The following MYO9A variants were observed in gnomAD, a reference collection of about 807,000 sequenced individuals.
MYO9A encodes the protein unconventional myosin-IXa.
A neutral mutation model predicts 293.3 loss-of-function variants in MYO9A; 103 were observed. That is an observed-to-expected ratio of 0.35 (90% CI 0.30 to 0.41). The LOEUF (loss-of-function observed/expected upper bound fraction) is 0.41. MYO9A is among the 10% of genes least tolerant of loss of function. MYO9A has a pLI of 1.00. For missense variants in MYO9A, 2,685 were observed against 3,033.0 expected, an observed-to-expected ratio of 0.89 and a Z score of 2.69; for synonymous variants, 1,001 against 1,035.7, an observed-to-expected ratio of 0.97 and a Z score of 0.64.
chr15:71,893,635 T>TCTC (rs1234426646), intron 26 of MYO9A, 44 bp downstream of exon 26: 9 of 1,446,246 alleles, frequency 6.2e-6, no homozygotes, highest in Admixed American at 1.7e-5. Flanking sequence ...ATAATGTACA[T>TCTC]CTCTTTTGTA....
chr15:72,098,763 G>A (rs911678620), intron 1 of MYO9A, among the ~76,000 whole-genome samples: 2 of 152,090 alleles, frequency 1.3e-5, no homozygotes, highest in Non-Finnish European at 1.5e-5. Context: ...CTTGAGCCCA[G>A]GAGTTCGAGA....
chr15:71,942,556 TC>T (rs2058805727), intron 15 of MYO9A, among the ~76,000 whole-genome samples: 1 of 152,056 alleles, frequency 6.6e-6, no homozygotes, highest in African/African-American at 2.4e-5. Flanking sequence ...TTATATGCTT[TC>T]ATCCAGGCTT....
At chr15:72,077,492 G>A (rs996587880) in intron 1 of MYO9A, among the ~76,000 whole-genome samples, 1 of 152,042 alleles carries the variant, frequency 6.6e-6, no homozygotes, top group East Asian at 1.9e-4. Flanking sequence ...AGGAGTTTAA[G>A]ACAAGCCTGG....
intron 11 of MYO9A, among the ~76,000 whole-genome samples, chr15:71,979,715 G>C (rs1015596264): frequency 1.3e-5 from 2 of 152,130 alleles, no homozygotes; most frequent in Non-Finnish European, 1.5e-5. Context: ...GGCCCAAAAA[G>C]CCTTAAAAGA....
rs994076276 is a variant in MYO9A, at chr15:71,865,815, A to G, written c.5980-3204T>C. Among the ~76,000 whole-genome samples the G allele has an allele frequency of 2.6e-5, 4 of 152,238 alleles. No homozygotes were observed. The East Asian group carries it at 7.7e-4, about 29-fold the overall frequency. ...AATGGCTAAATAGTTAAATTTTGTT[A>G]TATGAATTTTATCTCAGTTTTAAAA... On this transcript the variant is annotated intron_variant, in intron 32 of 41. Coordinates refer to ENST00000356056, the MANE Select transcript of MYO9A (RefSeq NM_006901.4).
intron 1 of MYO9A, among the ~76,000 whole-genome samples, chr15:72,065,447 G>A (rs1251620058): frequency 1.3e-5 from 2 of 150,778 alleles, no homozygotes; most frequent in East Asian, 1.9e-4. Flanking sequence ...CCCGGGAGGC[G>A]GAGGTTGCAG....
At chr15:72,043,167 T>C (rs368016628) in intron 2 of MYO9A, among the ~76,000 whole-genome samples, 6 of 152,194 alleles carry the variant, frequency 3.9e-5, no homozygotes, top group Non-Finnish European at 7.4e-5. Flanking sequence ...TGTATATCTA[T>C]ATACTAGCAA....
intron 18 of MYO9A, among the ~76,000 whole-genome samples, chr15:71,925,666 T>C (rs2058292199): frequency 6.6e-6 from 1 of 152,188 alleles, no homozygotes; most frequent in Admixed American, 6.5e-5. Context: ...GCTAGACTTT[T>C]ATCCCCATCC....
At chr15:71,979,993 A>G (rs1005639686) in intron 11 of MYO9A, among the ~76,000 whole-genome samples, 3 of 152,150 alleles carry the variant, frequency 2.0e-5, no homozygotes, top group Non-Finnish European at 4.4e-5. Flanking sequence ...TCTGTATACA[A>G]TAACTTGTTC....
In MYO9A at chr15:71,875,801, T is replaced by A; in HGVS notation, c.5969A>T (p.Glu1990Val). The change falls in exon 32 of 42, where the codon GAA becomes GTA. Residue 1990 changes from glutamate (E) to valine (V), a missense_variant. By Grantham distance (121) the Glu-to-Val change is moderately radical. Coordinates refer to ENST00000356056, the MANE Select transcript of MYO9A (RefSeq NM_006901.4). ...KTERKKRRKKETDLVEEHNGH... is the reference protein window; with the variant it reads ...KTERKKRRKKVTDLVEEHNGH... The stretch of plus-strand genomic sequence containing the variant: ...CAGATTATAACTTACCAAATCAGTT[T>A]CCTTTTTCCTTCTTTTCTTTCTTTC... 1 of 1,370,444 alleles carries A rather than the reference T, an allele frequency of 7.3e-7. No homozygotes were observed. Among genetic ancestry groups the A allele is most frequent in the South Asian group, 2.0e-5 (1 of 50,470 alleles). 84.9% of individuals were successfully genotyped at this position (1,370,444 alleles called of 1,614,324 possible).
chr15:72,018,534 C>T (rs2077406468), intron 6 of MYO9A, among the ~76,000 whole-genome samples: 2 of 151,938 alleles, frequency 1.3e-5, no homozygotes, highest in African/African-American at 4.8e-5. Flanking sequence ...TTTATTAAGG[C>T]TACAGACTCT....
chr15:71,827,410 GCC>G (rs1252279730), intron 41 of MYO9A, among the ~76,000 whole-genome samples: 2 of 152,008 alleles, frequency 1.3e-5, no homozygotes, highest in African/African-American at 4.8e-5. Flanking sequence ...GGGGCACAAT[GCC>G]TGCCACCCTC....
At chr15:71,830,086 TC>T in intron 40 of MYO9A, 22 bp downstream of exon 40, 1 of 1,609,128 alleles carries the variant, frequency 6.2e-7, no homozygotes, top group African/African-American at 1.3e-5. Context: ...TAACTGTCTC[TC>T]CCCTTCCTCC....
intron 1 of MYO9A, among the ~76,000 whole-genome samples, chr15:72,070,647 G>A (rs775028876): frequency 9.2e-5 from 14 of 151,736 alleles, no homozygotes; most frequent in African/African-American, 1.2e-4. Context: ...CCAAAACCGC[G>A]CCACTGCACT....
Position 71,897,990 on chromosome 15 carries a change from G to A in MYO9A, c.4513C>T (p.Gln1505Ter). The change falls in exon 25 of 42, where the codon CAG (glutamine) becomes TAG (stop). Residue 1505 changes from glutamine to a stop codon, truncating the protein, a stop_gained. Coordinates refer to ENST00000356056, the MANE Select transcript of MYO9A (RefSeq NM_006901.4). LOFTEE classifies it high-confidence loss of function. Reference protein sequence around the residue: ...TEKEERQKQLQQQNEKEMMEQ... With the variant: ...TEKEERQKQL ...ATCATCTCTTTTTCATTCTGTTGCT[G>A]CAACTGTTTTTGCCTTTCTTCCTTC... 6.2e-7 allele frequency: 1 copy of A among 1,614,056 alleles called. No individual in the cohort carries two copies. The highest frequency in any genetic ancestry group is 8.5e-7 in the Non-Finnish European group (1 of 1,180,020).
intron 28 of MYO9A, among the ~76,000 whole-genome samples, chr15:71,882,719 T>C (rs72746312): frequency 1.8e-3 from 275 of 152,346 alleles, no homozygotes; most frequent in Non-Finnish European, 2.2e-3. Flanking sequence ...ACACAGTGGT[T>C]AAGACTATGG....
intron 7 of MYO9A, among the ~76,000 whole-genome samples, chr15:72,009,144 T>TA (rs1410765383): frequency 1.3e-5 from 2 of 152,162 alleles, no homozygotes; most frequent in Non-Finnish European, 2.9e-5. Context: ...ACATAAAAAC[T>TA]AATGGAAGTC....
At chr15:71,943,742 T>C (rs2058839098) in intron 15 of MYO9A, among the ~76,000 whole-genome samples, 1 of 152,076 alleles carries the variant, frequency 6.6e-6, no homozygotes, top group Admixed American at 6.6e-5. Flanking sequence ...TCCACACAGA[T>C]TGGCTTGTAT....
chr15:71,892,688 G>A (rs1223066465), intron 26 of MYO9A: 2 of 190,208 alleles, frequency 1.1e-5, no homozygotes, highest in Non-Finnish European at 2.2e-5. Flanking sequence ...CAGAAAAAAT[G>A]TAAGGACCAC....
Sources: gnomAD v4.1 joint callset for allele counts (sites outside exome capture counted in the v4.1 genomes callset) on GRCh38, gnomAD v4.1.1 for gene constraint, MANE v1.5 for transcripts, NCBI Gene and HGNC (gene_info 2026-07-23, HGNC 2026-07-21) for gene names.